Variants in ARHGEF10 observed in about 807,000 individuals in gnomAD.
ARHGEF10 encodes Rho guanine nucleotide exchange factor 10, also known as Rho guanine nucleotide exchange factor (GEF) 10.
Under a neutral mutation model 147.4 loss-of-function variants are expected in ARHGEF10, and 140 were observed. The observed-to-expected ratio is 0.95, with a 90% CI of 0.83 to 1.09. The LOEUF (loss-of-function observed/expected upper bound fraction) is 1.09. Among genes scored for constraint, ARHGEF10 ranks in the 50% least tolerant of loss-of-function variants. The pLI is 0.00. For missense variants in ARHGEF10, 2,222 were observed against 1,752.7 expected, an observed-to-expected ratio of 1.27 and a Z score of -4.78; for synonymous variants, 902 against 695.8, an observed-to-expected ratio of 1.30 and a Z score of -4.67.
intron 9 of ARHGEF10, among the ~76,000 whole-genome samples, chr8:1,880,777 G>A (rs570047747): frequency 1.9e-4 from 29 of 152,288 alleles, no homozygotes; most frequent in African/African-American, 6.5e-4. Context: ...CCTGCAATTG[G>A]ACCTTTTATC....
chr8:1,838,243 C>G (rs1471669278), intron 1 of ARHGEF10, among the ~76,000 whole-genome samples: 1 of 152,224 alleles, frequency 6.6e-6, no homozygotes, highest in Non-Finnish European at 1.5e-5. Flanking sequence ...GGCCCTGGTG[C>G]CAGCGTCCCA....
rs35698984 is a variant in ARHGEF10 at position 1,857,879 on chromosome 8, GATCTATCT to G, written c.38-40_38-33del. On this transcript the variant is annotated intron_variant, in intron 2 of 28. Transcript: ENST00000349830. ...TGTCTCTGGCTAACATAGATCGATC[GATCTATCT>G]ATCTATCTATCTATCTATCTATCTA... The G allele has an allele frequency of 5.1e-3, 3,044 of 593,506 alleles. 18 individuals are homozygous for G. The highest frequency in any genetic ancestry group is 0.033 in the East Asian group (1,040 of 31,898). The allele number at this position is 593,506 out of a possible 1,614,324, so 36.8% of individuals were successfully genotyped here.
rs76946485 is a variant in ARHGEF10, at chr8:1,949,140, T to A, written c.3397+3485T>A. Among the ~76,000 whole-genome samples, 1,502 of 152,242 alleles carry A rather than the reference T, an allele frequency of 9.9e-3. 27 individuals are homozygous for A. Among genetic ancestry groups the A allele is most frequent in the African/African-American group, 0.034 (1,402 of 41,544 alleles). On this transcript the variant is annotated intron_variant, in intron 27 of 28. Transcript: ENST00000349830. ...ACTTGCCAAGCCGAAACAACAAAAT[T>A]TGAAAAAAACAAACTGTATTATAAC...
Position 1,880,028 on chromosome 8 carries a change from T to C in ARHGEF10, c.844-20T>C. 1 of 1,531,976 alleles carries C rather than the reference T, an allele frequency of 6.5e-7. No homozygotes were observed. Among genetic ancestry groups the C allele is most frequent in the Non-Finnish European group, 9.0e-7 (1 of 1,105,122 alleles). 94.9% of individuals were successfully genotyped at this position (1,531,976 alleles called of 1,614,324 possible). On this transcript the variant is annotated intron_variant, in intron 8 of 28. Transcript: ENST00000349830. ...AAAAAGAGCCTTTTTGTGAAAAGAC[T>C]GTGTCTCTTTATGCTGTAGCTTTCT...
chr8:1,911,002 T>C (rs1427780242), intron 18 of ARHGEF10, among the ~76,000 whole-genome samples: 1 of 152,232 alleles, frequency 6.6e-6, no homozygotes, highest in Non-Finnish European at 1.5e-5. Context: ...AGCAGGGTGA[T>C]TCAACCCATT....
chr8:1,921,560 T>C (rs915144340), intron 18 of ARHGEF10, among the ~76,000 whole-genome samples: 3 of 152,072 alleles, frequency 2.0e-5, no homozygotes, highest in Non-Finnish European at 4.4e-5. Flanking sequence ...AACCCTCTAC[T>C]AAACCTCTAC....
At chr8:1,826,547 G>C (rs931045393) in intron 1 of ARHGEF10, among the ~76,000 whole-genome samples, 5 of 152,162 alleles carry the variant, frequency 3.3e-5, no homozygotes, top group African/African-American at 1.2e-4. Context: ...TGTGAGTCCA[G>C]ACTTCTCACG....
At chr8:1,929,519 C>T (rs1812947864) in intron 25 of ARHGEF10, 76 bp downstream of exon 25, 2 of 1,499,258 alleles carry the variant, frequency 1.3e-6, no homozygotes, top group Non-Finnish European at 8.9e-7. Context: ...TTAGCCTCCC[C>T]ACCTCCCCAC....
At chr8:1,890,455 G>A in intron 11 of ARHGEF10, among the ~76,000 whole-genome samples, 1 of 149,538 alleles carries the variant, frequency 6.7e-6, no homozygotes, top group African/African-American at 2.5e-5. Flanking sequence ...GACAGTGAGT[G>A]GGGTGAGTGT....
intron 6 of ARHGEF10, among the ~76,000 whole-genome samples, chr8:1,867,797 A>G (rs1258020266): frequency 6.6e-6 from 1 of 152,184 alleles, no homozygotes; most frequent in Non-Finnish European, 1.5e-5. Flanking sequence ...GTTTCATATG[A>G]TCAACTTACA....
chr8:1,844,321 T>C (rs974210253), intron 2 of ARHGEF10, among the ~76,000 whole-genome samples: 2 of 43,310 alleles, frequency 4.6e-5, no homozygotes, highest in Non-Finnish European at 1.2e-4. Flanking sequence ...GTCAGGCTGT[T>C]CATAAGCAAG....
intron 1 of ARHGEF10, among the ~76,000 whole-genome samples, chr8:1,831,947 GA>G (rs1462559176): frequency 6.6e-6 from 1 of 152,204 alleles, no homozygotes; most frequent in Non-Finnish European, 1.5e-5. Context: ...GCTGCCTGTG[GA>G]AACCAGCACG....
intron 11 of ARHGEF10, among the ~76,000 whole-genome samples, chr8:1,888,285 G>C (rs1300396969): frequency 1.5e-5 from 1 of 65,604 alleles, no homozygotes; most frequent in Non-Finnish European, 3.1e-5. Flanking sequence ...AGGTTCTGAG[G>C]AGGGGTGGGG....
rs1812493406 is a variant in ARHGEF10, at chr8:1,923,983, A to T, written c.2488+109A>T. 1.8e-5 allele frequency: 18 copies of T among 1,021,704 alleles called. No homozygotes were observed. The South Asian group carries it at 2.4e-4, about 14-fold the overall frequency. The allele number at this position is 1,021,704 out of a possible 1,614,324, so 63.3% of individuals were successfully genotyped here. On this transcript the variant is annotated intron_variant, in intron 21 of 28. Coordinates refer to ENST00000349830, the MANE Select transcript of ARHGEF10 (RefSeq NM_014629.4). ...AGGAAACTCAGCAGTAGATCCATGC[A>T]TTGACCTGAAAGAGTGTTTCTAAAC...
At chr8:1,838,828 G>C (rs991748760) in intron 1 of ARHGEF10, among the ~76,000 whole-genome samples, 1 of 152,210 alleles carries the variant, frequency 6.6e-6, no homozygotes, top group African/African-American at 2.4e-5. Flanking sequence ...CGTCCAGTGT[G>C]GTTGCTGTCT....
chr8:1,892,879 G>C (rs1222131200), intron 11 of ARHGEF10, among the ~76,000 whole-genome samples: 1 of 152,200 alleles, frequency 6.6e-6, no homozygotes. Context: ...GAAATGCCGG[G>C]CGTCCTCATA....
In ARHGEF10 at chr8:1,885,686, C is replaced by G; in HGVS notation, c.1161C>G (p.Pro387=). The change falls in exon 11 of 29, where the codon CCC becomes CCG. Residue 387 remains proline (P), a synonymous_variant. Coordinates refer to ENST00000349830, the MANE Select transcript of ARHGEF10 (RefSeq NM_014629.4). The part of the protein sequence containing the change: ...KHPEAILTPM[P]EGLSQQQVVR... Reference sequence around the variant, plus strand: ...CGGAAGCCATCTTGACCCCGATGCCCGAGGGTTTATCTCAGCAGCAGGTGA... The same window carrying G: ...CGGAAGCCATCTTGACCCCGATGCCGGAGGGTTTATCTCAGCAGCAGGTGA... 6.2e-7 allele frequency: 1 copy of G among 1,613,748 alleles called. No homozygotes were observed.
At chr8:1,882,210 C>T (rs980356130) in intron 9 of ARHGEF10, among the ~76,000 whole-genome samples, 20 of 152,240 alleles carry the variant, frequency 1.3e-4, no homozygotes, top group African/African-American at 2.9e-4. Context: ...CTGTCAACAG[C>T]TGGCCATGCC....
intron 18 of ARHGEF10, among the ~76,000 whole-genome samples, chr8:1,915,643 G>A (rs866985263): frequency 3.9e-5 from 6 of 152,212 alleles, no homozygotes; most frequent in African/African-American, 1.4e-4. Flanking sequence ...CGCCTTCTCC[G>A]TCACTGTGTC....
Sources: allele counts gnomAD v4.1 joint callset (sites outside exome capture counted in the v4.1 genomes callset), GRCh38; gene constraint gnomAD v4.1.1; transcripts MANE v1.5; gene names NCBI Gene and HGNC (gene_info 2026-07-23, HGNC 2026-07-21).